PIK3C2A: variants seen among roughly 807,000 people sequenced by gnomAD.
PIK3C2A encodes the protein phosphatidylinositol-4-phosphate 3-kinase catalytic subunit type 2 alpha.
Under a neutral mutation model 204.5 loss-of-function variants are expected in PIK3C2A, and 97 were observed. The observed-to-expected ratio is 0.47, with a 90% CI of 0.40 to 0.56. The LOEUF (loss-of-function observed/expected upper bound fraction) is 0.56, where lower values mean the gene tolerates loss of function less well. Ranked by LOEUF, PIK3C2A falls within the 20% of genes least tolerant of loss-of-function variation. PIK3C2A has a pLI of 0.00. For synonymous variants in PIK3C2A, 653 were observed against 664.4 expected (o/e 0.98, Z 0.26); for missense variants, 1,735 against 1,969.2 (o/e 0.88, Z 2.25).
At chr11:17,141,603 C>T (rs989806388) in intron 8 of PIK3C2A, among the ~76,000 whole-genome samples, 1 of 152,148 alleles carries the variant, frequency 6.6e-6, no homozygotes, top group Non-Finnish European at 1.5e-5. Context: ...TGGTATATTG[C>T]TATTAAGTAA....
chr11:17,090,977 G>A (rs1396311453), intron 32 of PIK3C2A, among the ~76,000 whole-genome samples: 1 of 151,196 alleles, frequency 6.6e-6, no homozygotes, highest in African/African-American at 2.4e-5. Flanking sequence ...AAACTCCTGA[G>A]CTCAAGGGAT....
chr11:17,138,128 CA>C, intron 8 of PIK3C2A: 1 of 768,242 alleles, frequency 1.3e-6, no homozygotes, highest in South Asian at 1.3e-5. Flanking sequence ...TTGTTTTGGA[CA>C]ATCTCATAAG....
intron 13 of PIK3C2A, 130 bp downstream of exon 13, chr11:17,129,170 A>G (rs992103261): frequency 3.0e-6 from 2 of 675,322 alleles, no homozygotes; most frequent in Non-Finnish European, 5.2e-6. Context: ...ACCTCCTTTT[A>G]TCACATTAGA....
chr11:17,203,272 C>T (rs1014145423), intron 1 of PIK3C2A, among the ~76,000 whole-genome samples: 4 of 150,888 alleles, frequency 2.7e-5, no homozygotes, highest in East Asian at 2.0e-4. Flanking sequence ...ATGGGAGGAT[C>T]GCTTGAGGCC....
intron 1 of PIK3C2A, among the ~76,000 whole-genome samples, chr11:17,170,210 C>T (rs1851113746): frequency 6.6e-6 from 1 of 152,158 alleles, no homozygotes; most frequent in Non-Finnish European, 1.5e-5. Context: ...AATAGCAAGT[C>T]AAAATGGTTT....
chr11:17,097,103 AC>A lies in PIK3C2A; in HGVS notation c.4279del (p.Val1427SerfsTer19). 6.2e-7 allele frequency: 1 copy of A among 1,607,036 alleles called. No individual in the cohort carries two copies. The highest frequency in any genetic ancestry group is 8.5e-7 in the Non-Finnish European group (1 of 1,173,604). On this transcript the variant is annotated frameshift_variant, in exon 27 of 33. Transcript: ENST00000691414. LOFTEE classifies it high-confidence loss of function. ...SFRQDGRIKE[V>X]SVFTYHKKYN... ...TTTCTTATGATATGTAAAAACAGAG[AC>A]TTCCTTGATTCGACCATCTTGTCTA...
chr11:17,122,089 GA>G lies in PIK3C2A; in HGVS notation c.2657+98del, dbSNP rs1849384446. ...GAAAACTTTCCACACCAAGAAAGCT[GA>G]TAAATCATGAACAGAATCAGGTTAT... On this transcript the variant is annotated intron_variant, in intron 15 of 32. Transcript: ENST00000691414. The G allele has an allele frequency of 9.1e-6, 6 of 661,552 alleles. No individual in the cohort carries two copies. In the East Asian group the frequency reaches 1.9e-4, roughly 20 times the overall value. 41.0% of individuals were successfully genotyped at this position (661,552 alleles called of 1,614,324 possible).
chr11:17,198,198 T>C (rs1036592158), intron 1 of PIK3C2A, among the ~76,000 whole-genome samples: 3 of 150,286 alleles, frequency 2.0e-5, no homozygotes. Context: ...AACCTCCACC[T>C]CCCAGGTTCA....
At chr11:17,126,618 A>G (rs1849535478) in intron 13 of PIK3C2A, among the ~76,000 whole-genome samples, 1 of 152,204 alleles carries the variant, frequency 6.6e-6, no homozygotes, top group Non-Finnish European at 1.5e-5. Context: ...GTAGAGAAAC[A>G]AAGTGTAATA....
chr11:17,197,921 T>C (rs1257740734), intron 1 of PIK3C2A, among the ~76,000 whole-genome samples: 1 of 152,034 alleles, frequency 6.6e-6, no homozygotes, highest in Non-Finnish European at 1.5e-5. Context: ...TAATAAAAAA[T>C]AACGAAAAAC....
chr11:17,123,889 G>A (rs1398540267), intron 13 of PIK3C2A, among the ~76,000 whole-genome samples: 1 of 152,066 alleles, frequency 6.6e-6, no homozygotes, highest in African/African-American at 2.4e-5. Flanking sequence ...TGAAAACAAC[G>A]TAAGATATAC....
At chr11:17,125,709 G>C (rs1358225742) in intron 13 of PIK3C2A, among the ~76,000 whole-genome samples, 1 of 152,094 alleles carries the variant, frequency 6.6e-6, no homozygotes, top group Non-Finnish European at 1.5e-5. Flanking sequence ...AGTAGAGACA[G>C]GGTTTCGCCA....
At chr11:17,144,553 T>C (rs929045015) in intron 8 of PIK3C2A, among the ~76,000 whole-genome samples, 14 of 152,064 alleles carry the variant, frequency 9.2e-5, no homozygotes, top group African/African-American at 2.2e-4. Context: ...ACTGAAAATT[T>C]TGGGGGTAAG....
chr11:17,145,765 T>C (rs1850223234), intron 7 of PIK3C2A, 34 bp from the exon 8 acceptor site: 4 of 1,560,910 alleles, frequency 2.6e-6, no homozygotes, highest in South Asian at 2.2e-5. Context: ...GGCTGAAGGA[T>C]GCTACACACA....
chr11:17,140,458 A>G (rs1364631014), intron 8 of PIK3C2A, among the ~76,000 whole-genome samples: 1 of 152,196 alleles, frequency 6.6e-6, no homozygotes, highest in Non-Finnish European at 1.5e-5. Flanking sequence ...GGTAGCCTGG[A>G]ATATTTTTCA....
intron 20 of PIK3C2A, among the ~76,000 whole-genome samples, chr11:17,114,139 T>A (rs890975640): frequency 2.1e-5 from 3 of 143,650 alleles, no homozygotes; most frequent in African/African-American, 7.6e-5. Flanking sequence ...TTTAAAAAAA[T>A]GAAGCCCAAG....
chr11:17,104,445 G>C (rs1007391136), intron 23 of PIK3C2A, among the ~76,000 whole-genome samples: 1 of 152,120 alleles, frequency 6.6e-6, no homozygotes. Flanking sequence ...ATCTGCATAG[G>C]TCAGGTGCGG....
At chr11:17,109,424 T>A (rs1206831918) in intron 22 of PIK3C2A, among the ~76,000 whole-genome samples, 1 of 152,258 alleles carries the variant, frequency 6.6e-6, no homozygotes, top group Non-Finnish European at 1.5e-5. Flanking sequence ...ACATATCAGA[T>A]ATTAGGATGT....
intron 8 of PIK3C2A, among the ~76,000 whole-genome samples, chr11:17,139,197 G>T (rs1223331459): frequency 1.3e-5 from 2 of 151,022 alleles, no homozygotes; most frequent in African/African-American, 4.9e-5. Flanking sequence ...ACAGGCATGA[G>T]CCACCACGCC....
Sources: gnomAD v4.1 joint callset for allele counts (sites outside exome capture counted in the v4.1 genomes callset) on GRCh38, gnomAD v4.1.1 for gene constraint, MANE v1.5 for transcripts, NCBI Gene and HGNC (gene_info 2026-07-23, HGNC 2026-07-21) for gene names.